Variants in PCNX1 observed in about 807,000 individuals in gnomAD.
PCNX1 encodes the protein pecanex-like protein 1.
Under a neutral mutation model 242.2 loss-of-function variants are expected in PCNX1, and 78 were observed. The observed-to-expected ratio is 0.32, with a 90% CI of 0.27 to 0.39. PCNX1 has a LOEUF of 0.39. PCNX1 is among the 10% of genes least tolerant of loss of function. The probability of loss-of-function intolerance (pLI) is 1.00; values close to 1 mark genes in which losing one functional copy is unlikely to be tolerated. For missense variants in PCNX1, 2,581 were observed against 2,856.5 expected, an observed-to-expected ratio of 0.90 and a Z score of 2.20; for synonymous variants, 1,024 against 1,032.9, an observed-to-expected ratio of 0.99 and a Z score of 0.17.
chr14:70,988,519 A>G, intron 6 of PCNX1, 48 bp from the exon 7 acceptor site: 1 of 1,591,110 alleles, frequency 6.3e-7, no homozygotes, highest in South Asian at 1.1e-5. Flanking sequence ...GCTGCTATTT[A>G]CATCTCTGAC....
chr14:71,033,406 CT>C, intron 16 of PCNX1, 22 bp from the exon 17 acceptor site: 1 of 1,146,626 alleles, frequency 8.7e-7, no homozygotes, highest in Non-Finnish European at 1.3e-6. Flanking sequence ...GCATATTATT[CT>C]GTTAAATTCA....
At chr14:70,934,277 A>C (rs192351540) in intron 1 of PCNX1, among the ~76,000 whole-genome samples, 1 of 152,340 alleles carries the variant, frequency 6.6e-6, no homozygotes, top group East Asian at 1.9e-4. Flanking sequence ...ATAAGCTGTC[A>C]GAATTTAAGA....
chr14:70,994,277 T>A (rs1325032563), intron 7 of PCNX1, among the ~76,000 whole-genome samples: 1 of 151,804 alleles, frequency 6.6e-6, no homozygotes, highest in African/African-American at 2.4e-5. Flanking sequence ...ATGTAGTTAC[T>A]GAGCATTTGA....
intron 26 of PCNX1, among the ~76,000 whole-genome samples, chr14:71,060,405 G>A (rs2141273096): frequency 6.6e-6 from 1 of 152,262 alleles, no homozygotes; most frequent in Non-Finnish European, 1.5e-5. Context: ...CTTTAGAACA[G>A]TATGTCTTGT....
chr14:71,047,431 C>T (rs796489124), intron 21 of PCNX1, among the ~76,000 whole-genome samples: 13 of 152,096 alleles, frequency 8.5e-5, no homozygotes, highest in South Asian at 2.1e-4. Flanking sequence ...CATAGTCATC[C>T]GATGAGCCTG....
Position 71,102,153 on chromosome 14 carries a change from A to T in PCNX1, c.5753A>T (p.Asp1918Val), listed in dbSNP as rs776174797. ...TTGCTTGCTCTGCGGCATGTCATGG[A>T]TGATGGCACCAATGAATATAAAATC... Reference protein sequence around the residue: ...PSLLALRHVMDDGTNEYKIIM... With the variant: ...PSLLALRHVMVDGTNEYKIIM... The change falls in exon 31 of 36, where the codon GAT (aspartate) becomes GTT (valine). Residue 1918 changes from aspartate (D) to valine (V), a missense_variant. Transcript: ENST00000304743. 4 of 1,614,144 alleles carry T rather than the reference A, an allele frequency of 2.5e-6. No individual in the cohort carries two copies. The highest frequency in any genetic ancestry group is 1.1e-5 in the South Asian group (1 of 91,086).
intron 26 of PCNX1, 79 bp from the exon 27 acceptor site, chr14:71,073,466 T>C (rs993360892): frequency 7.4e-7 from 1 of 1,349,396 alleles, no homozygotes; most frequent in Non-Finnish European, 1.0e-6. Flanking sequence ...TATTTTTTTC[T>C]AAATCTTATG....
rs2062760076 is a variant in PCNX1 at position 71,111,920 on chromosome 14, C to T, written c.*1985C>T. 6.6e-6 allele frequency: 1 copy of T among 152,410 alleles called. No homozygotes were observed. The highest frequency in any genetic ancestry group is 2.1e-4 in the South Asian group (1 of 4,834). The allele number at this position is 152,410 out of a possible 1,614,324, so 9.4% of individuals were successfully genotyped here. A position where few individuals can be genotyped will look rare whatever the true frequency, so the allele number is the denominator to read the frequency against. ...ATACCGTCATTATGTTCTGCATTTG[C>T]CTCATTTTGGCAGATCTACAGTATG... On this transcript the variant is annotated 3_prime_UTR_variant, in exon 36 of 36. Coordinates refer to ENST00000304743, the MANE Select transcript of PCNX1 (RefSeq NM_014982.3).
chr14:70,908,745 C>T (rs889807155), intron 1 of PCNX1, among the ~76,000 whole-genome samples: 1 of 152,218 alleles, frequency 6.6e-6, no homozygotes, highest in Admixed American at 6.5e-5. Flanking sequence ...ATCTGGCTGG[C>T]ATTTCAGCAG....
At chr14:70,920,743 G>A (rs1349169628) in intron 1 of PCNX1, among the ~76,000 whole-genome samples, 2 of 152,152 alleles carry the variant, frequency 1.3e-5, no homozygotes, top group African/African-American at 4.8e-5. Flanking sequence ...CAAGTACACA[G>A]CCATATTATA....
chr14:71,047,119 T>G lies in PCNX1; in HGVS notation c.4160+14T>G. On this transcript the variant is annotated intron_variant, in intron 21 of 35. Transcript: ENST00000304743. The stretch of plus-strand genomic sequence containing the variant: ...ACTGAATACAGAGTAAGTATAGTAG[T>G]CTTCTAATATTGTCTGACTACTGGG... 6.8e-7 allele frequency: 1 copy of G among 1,479,308 alleles called. No homozygotes were observed. The highest frequency in any genetic ancestry group is 1.4e-5 in the South Asian group (1 of 72,704). 91.6% of individuals were successfully genotyped at this position (1,479,308 alleles called of 1,614,324 possible). A position where few individuals can be genotyped will look rare whatever the true frequency, so the allele number is the denominator to read the frequency against.
intron 5 of PCNX1, among the ~76,000 whole-genome samples, chr14:70,973,089 G>GA (rs1328868195): frequency 2.6e-5 from 4 of 151,576 alleles, no homozygotes; most frequent in Admixed American, 1.3e-4. Flanking sequence ...CTGCCTTTAA[G>GA]AAAAAATACA....
chr14:70,950,029 C>T (rs947002648), intron 2 of PCNX1, among the ~76,000 whole-genome samples: 2 of 152,154 alleles, frequency 1.3e-5, no homozygotes, highest in Admixed American at 6.5e-5. Flanking sequence ...AAAGTGGGCA[C>T]TCCTCTCTTA....
chr14:70,916,411 A>G (rs2056154118), intron 1 of PCNX1, among the ~76,000 whole-genome samples: 1 of 152,188 alleles, frequency 6.6e-6, no homozygotes, highest in Non-Finnish European at 1.5e-5. Context: ...TAAAATGAAG[A>G]CGAAAAAAGA....
intron 8 of PCNX1, among the ~76,000 whole-genome samples, chr14:71,002,189 C>A (rs2140415855): frequency 6.6e-6 from 1 of 152,266 alleles, no homozygotes; most frequent in African/African-American, 2.4e-5. Context: ...TTATATACTA[C>A]TTTTTAATTT....
intron 30 of PCNX1, chr14:71,093,176 A>ATGC (rs944528250): frequency 6.6e-6 from 1 of 152,360 alleles, no homozygotes; most frequent in Middle Eastern, 3.4e-3. Flanking sequence ...ACCATTGAAG[A>ATGC]TGCCCTTGTT....
intron 1 of PCNX1, among the ~76,000 whole-genome samples, chr14:70,924,284 G>T (rs2056502605): frequency 6.7e-6 from 1 of 149,534 alleles, no homozygotes; most frequent in Non-Finnish European, 1.5e-5. Context: ...CTACCAAATT[G>T]CCCTCAAGAT....
chr14:71,055,220 G>C (rs946067398), intron 24 of PCNX1, among the ~76,000 whole-genome samples: 1 of 151,578 alleles, frequency 6.6e-6, no homozygotes, highest in African/African-American at 2.4e-5. Context: ...TTTTCATCCT[G>C]GTCAGCTTTT....
At chr14:71,093,709 C>T (rs2062197443) in intron 30 of PCNX1, 1 of 152,218 alleles carries the variant, frequency 6.6e-6, no homozygotes, top group Non-Finnish European at 1.5e-5. Flanking sequence ...GTGCCTGCTT[C>T]TCTTCCCTCT....
Sources: gnomAD v4.1 joint callset for allele counts (sites outside exome capture counted in the v4.1 genomes callset) on GRCh38, gnomAD v4.1.1 for gene constraint, MANE v1.5 for transcripts, NCBI Gene and HGNC (gene_info 2026-07-23, HGNC 2026-07-21) for gene names.